CSMD3: variants seen among roughly 807,000 people sequenced by gnomAD.
The protein encoded by CSMD3 is CUB and Sushi multiple domains 3, also known as CUB and sushi domain-containing protein 3.
CSMD3 carries 177 observed loss-of-function variants against 435.2 expected under a neutral mutation model. The ratio of observed to expected loss-of-function variants is 0.41; its 90% CI spans 0.36 to 0.46. The LOEUF is 0.46. Ranked by LOEUF, CSMD3 falls within the 20% of genes least tolerant of loss-of-function variation. The pLI, the probability that CSMD3 is intolerant of heterozygous loss-of-function variation, is 0.34. For missense variants in CSMD3, 4,265 were observed against 4,504.6 expected, an observed-to-expected ratio of 0.95 and a Z score of 1.52; for synonymous variants, 1,656 against 1,520.5, an observed-to-expected ratio of 1.09 and a Z score of -2.07.
Position 113,216,195 on chromosome 8 carries a change from CTCAG to C in CSMD3, c.515-42283_515-42280del, listed in dbSNP as rs553299983. 1.1e-3 allele frequency among the ~76,000 whole-genome samples: 163 copies of C among 151,822 alleles called. 1 individual carries two copies. The highest frequency in any genetic ancestry group is 1.6e-3 in the Admixed American group (25 of 15,176). On this transcript the variant is annotated intron_variant, in intron 3 of 70. Coordinates refer to ENST00000297405, the MANE Select transcript of CSMD3 (RefSeq NM_198123.2). The stretch of plus-strand genomic sequence containing the variant: ...TAAGAAATAATTACATTAATTATTG[CTCAG>C]TCATACAATTAAATTGATCTATAAG...
chr8:113,376,362 GTAAA>G (rs1418839423), intron 1 of CSMD3, among the ~76,000 whole-genome samples: 2 of 151,846 alleles, frequency 1.3e-5, no homozygotes, highest in African/African-American at 2.4e-5. Flanking sequence ...GTATTTAAAA[GTAAA>G]TACATGTTCA....
At position 113,092,966 on chromosome 8, in the gene CSMD3, A is replaced by T. The variant is rs550741701; in HGVS notation, c.917+5790T>A. Among the ~76,000 whole-genome samples, 196 of 152,282 alleles carry T rather than the reference A, an allele frequency of 1.3e-3. 2 individuals carry two copies. Among genetic ancestry groups the T allele is most frequent in the Non-Finnish European group, 1.6e-3 (112 of 67,976 alleles). On this transcript the variant is annotated intron_variant, in intron 5 of 70. Coordinates refer to ENST00000297405, the MANE Select transcript of CSMD3 (RefSeq NM_198123.2). ...AAACTAATTTATGTAACTTCAGTCA[A>T]ATCAAGTACAACCATTGGAAAAAAC...
intron 22 of CSMD3, among the ~76,000 whole-genome samples, chr8:112,608,579 G>A (rs1290274231): frequency 6.6e-6 from 1 of 151,546 alleles, no homozygotes; most frequent in African/African-American, 2.4e-5. Context: ...ACACTGGCAT[G>A]AAAACTATAT....
chr8:112,504,743 A>C (rs1435614331), intron 29 of CSMD3, among the ~76,000 whole-genome samples: 1 of 152,144 alleles, frequency 6.6e-6, no homozygotes, highest in Non-Finnish European at 1.5e-5. Flanking sequence ...CAAAAGTATA[A>C]CAATTGTCCC....
chr8:113,386,063 C>G (rs1027593914), intron 1 of CSMD3, among the ~76,000 whole-genome samples: 3 of 151,916 alleles, frequency 2.0e-5, no homozygotes, highest in Non-Finnish European at 4.4e-5. Flanking sequence ...TCTTACTGTT[C>G]CTCTGAAACA....
intron 10 of CSMD3, among the ~76,000 whole-genome samples, chr8:112,879,513 T>G (rs921340555): frequency 6.6e-6 from 1 of 152,106 alleles, no homozygotes; most frequent in Non-Finnish European, 1.5e-5. Context: ...TTTTATTGCC[T>G]TTGAAGCATG....
In CSMD3 at chr8:112,289,328, A is replaced by T. The variant is rs1225897023; in HGVS notation, c.9148+37T>A. On this transcript the variant is annotated intron_variant, in intron 57 of 70. Coordinates refer to ENST00000297405, the MANE Select transcript of CSMD3 (RefSeq NM_198123.2). ...TACTACTACTACTAACAATAATGTA[A>T]TTTCCAACACATATTGTCCAATTTT... 3 of 1,557,426 alleles carry T rather than the reference A, an allele frequency of 1.9e-6. No individual in the cohort carries two copies. In the Admixed American group the frequency reaches 5.0e-5, roughly 26 times the overall value.
intron 1 of CSMD3, among the ~76,000 whole-genome samples, chr8:113,365,803 G>A (rs1056221253): frequency 6.6e-6 from 1 of 151,876 alleles, no homozygotes; most frequent in African/African-American, 2.4e-5. Flanking sequence ...TTATAATCAT[G>A]AGTCTCAATG....
At chr8:112,513,527 T>C (rs934523856) in intron 28 of CSMD3, among the ~76,000 whole-genome samples, 21 of 152,086 alleles carry the variant, frequency 1.4e-4, no homozygotes, top group Admixed American at 1.4e-3. Flanking sequence ...ACATAAAAGA[T>C]CACTGATCAC....
chr8:112,387,692 C>T (rs1830095237), intron 36 of CSMD3, among the ~76,000 whole-genome samples: 1 of 152,066 alleles, frequency 6.6e-6, no homozygotes, highest in Admixed American at 6.5e-5. Context: ...AGTCAATAAA[C>T]AAAGTCCTTC....
At chr8:112,648,719 A>G (rs1330463456) in intron 19 of CSMD3, among the ~76,000 whole-genome samples, 3 of 152,124 alleles carry the variant, frequency 2.0e-5, no homozygotes, top group African/African-American at 2.4e-5. Context: ...GCTTGCCATT[A>G]CTTTTTATCT....
intron 10 of CSMD3, among the ~76,000 whole-genome samples, chr8:112,905,912 T>C (rs972812248): frequency 6.6e-6 from 1 of 151,448 alleles, no homozygotes; most frequent in African/African-American, 2.4e-5. Flanking sequence ...TGTGATAGCA[T>C]GAATGGCGCG....
intron 41 of CSMD3, among the ~76,000 whole-genome samples, chr8:112,342,006 T>A (rs1825164119): frequency 6.6e-6 from 1 of 152,132 alleles, no homozygotes; most frequent in Admixed American, 6.5e-5. Context: ...TTACATAAAC[T>A]AATTTTTAGA....
intron 1 of CSMD3, among the ~76,000 whole-genome samples, chr8:113,358,823 A>C (rs1242787430): frequency 6.6e-6 from 1 of 152,162 alleles, no homozygotes; most frequent in Non-Finnish European, 1.5e-5. Context: ...TCATAGAGGC[A>C]GTCAAGCATC....
chr8:112,651,541 A>ATTTTTTTTTT (rs1254096334), intron 18 of CSMD3, among the ~76,000 whole-genome samples: 1 of 137,284 alleles, frequency 7.3e-6, no homozygotes. Context: ...CACCCAGTGC[A>ATTTTTTTTTT]TTTTTTTTTT....
chr8:112,987,677 C>A (rs1163735831), intron 6 of CSMD3, among the ~76,000 whole-genome samples: 1 of 152,106 alleles, frequency 6.6e-6, no homozygotes, highest in Non-Finnish European at 1.5e-5. Flanking sequence ...CTCCCCAATA[C>A]AGTATAGCAT....
At chr8:113,052,788 G>C (rs2088155268) in intron 5 of CSMD3, among the ~76,000 whole-genome samples, 1 of 152,142 alleles carries the variant, frequency 6.6e-6, no homozygotes, top group South Asian at 2.1e-4. Context: ...AAAGATAATA[G>C]TGACCTCTGT....
At chr8:113,387,503 A>C (rs529308839) in intron 1 of CSMD3, among the ~76,000 whole-genome samples, 1 of 151,906 alleles carries the variant, frequency 6.6e-6, no homozygotes, top group South Asian at 2.1e-4. Flanking sequence ...TTCATAATAA[A>C]TTTTATGATT....
intron 3 of CSMD3, among the ~76,000 whole-genome samples, chr8:113,179,253 A>G (rs539725847): frequency 1.3e-5 from 2 of 151,806 alleles, no homozygotes; most frequent in African/African-American, 4.8e-5. Flanking sequence ...CAAGCACTCA[A>G]TATGAGACAA....
Sources: allele counts gnomAD v4.1 joint callset (sites outside exome capture counted in the v4.1 genomes callset), GRCh38; gene constraint gnomAD v4.1.1; transcripts MANE v1.5; gene names NCBI Gene and HGNC (gene_info 2026-07-23, HGNC 2026-07-21).